CHRM3: variants seen among roughly 807,000 people sequenced by gnomAD.
CHRM3 encodes cholinergic receptor muscarinic 3.
CHRM3 carries 11 observed loss-of-function variants against 41.8 expected under a neutral mutation model. The observed-to-expected ratio is 0.26, with a 90% CI of 0.17 to 0.44. The LOEUF (loss-of-function observed/expected upper bound fraction) is 0.44, where lower values mean the gene tolerates loss of function less well. Among genes scored for constraint, CHRM3 ranks in the 20% least tolerant of loss-of-function variants. The pLI is 1.00. For missense variants in CHRM3, 571 were observed against 745.4 expected, an observed-to-expected ratio of 0.77 and a Z score of 2.72; for synonymous variants, 297 against 301.4, an observed-to-expected ratio of 0.99 and a Z score of 0.15.
intron 1 of CHRM3, among the ~76,000 whole-genome samples, chr1:239,476,509 T>C (rs1046267814): frequency 4.6e-5 from 7 of 152,072 alleles, no homozygotes; most frequent in Admixed American, 2.6e-4. Flanking sequence ...TGTAAAACCT[T>C]CTTAGTAACA....
At chr1:239,754,987 A>G (rs545480928) in intron 5 of CHRM3, among the ~76,000 whole-genome samples, 1 of 152,206 alleles carries the variant, frequency 6.6e-6, no homozygotes, top group Non-Finnish European at 1.5e-5. Flanking sequence ...TCTTGTCTTA[A>G]AAGAATTAGG....
intron 6 of CHRM3, among the ~76,000 whole-genome samples, chr1:239,857,795 T>C (rs1572505839): frequency 6.6e-6 from 1 of 152,220 alleles, no homozygotes; most frequent in East Asian, 1.9e-4. Flanking sequence ...TGCACAAAGG[T>C]TAAAATAATT....
intron 1 of CHRM3, among the ~76,000 whole-genome samples, chr1:239,404,729 T>TA (rs1163025027): frequency 1.4e-4 from 15 of 110,534 alleles, no homozygotes; most frequent in African/African-American, 7.4e-4. Context: ...AATATATATA[T>TA]ATATATATAT....
Position 239,607,738 on chromosome 1 carries a change from T to C in CHRM3, c.-312-24486T>C, listed in dbSNP as rs1057092358. On this transcript the variant is annotated intron_variant, in intron 3 of 6. Transcript: ENST00000676153. ...CACACATTAATTTTGGAATTTGTTATTTCACCTGAAAAATATCCCAAATCT... is the reference window on the plus strand; with the variant it reads ...CACACATTAATTTTGGAATTTGTTACTTCACCTGAAAAATATCCCAAATCT... 3.9e-5 allele frequency among the ~76,000 whole-genome samples: 6 copies of C among 152,206 alleles called. No individual in the cohort carries two copies. In the South Asian group the frequency reaches 8.3e-4, roughly 21 times the overall value.
intron 4 of CHRM3, among the ~76,000 whole-genome samples, chr1:239,640,540 A>C (rs1263613724): frequency 6.6e-6 from 1 of 152,054 alleles, no homozygotes; most frequent in East Asian, 1.9e-4. Context: ...TAGATTTTCT[A>C]GTTTATTTGT....
chr1:239,711,924 C>T (rs1211692217), intron 5 of CHRM3, among the ~76,000 whole-genome samples: 1 of 152,154 alleles, frequency 6.6e-6, no homozygotes, highest in Non-Finnish European at 1.5e-5. Flanking sequence ...TCAAACTCCA[C>T]ATCCAGCCCC....
intron 3 of CHRM3, among the ~76,000 whole-genome samples, chr1:239,622,119 G>T (rs1394219043): frequency 6.6e-6 from 1 of 152,058 alleles, no homozygotes; most frequent in Non-Finnish European, 1.5e-5. Flanking sequence ...TTTACAGCCT[G>T]ATATACTGAA....
intron 3 of CHRM3, among the ~76,000 whole-genome samples, chr1:239,551,250 C>T (rs1659795896): frequency 1.3e-5 from 2 of 149,594 alleles, no homozygotes; most frequent in Non-Finnish European, 3.0e-5. Flanking sequence ...GCAACCTCCA[C>T]CTCCCGGGTT....
At chr1:239,670,025 G>A (rs1018430405) in intron 4 of CHRM3, among the ~76,000 whole-genome samples, 9 of 152,102 alleles carry the variant, frequency 5.9e-5, no homozygotes, top group African/African-American at 2.2e-4. Flanking sequence ...GATTTTAAGA[G>A]ATCAGTCTGA....
chr1:239,879,157 G>A (rs934770620), intron 6 of CHRM3, among the ~76,000 whole-genome samples: 1 of 152,066 alleles, frequency 6.6e-6, no homozygotes, highest in African/African-American at 2.4e-5. Flanking sequence ...TTAAGACAGG[G>A]TCTCACTGTG....
intron 1 of CHRM3, among the ~76,000 whole-genome samples, chr1:239,436,512 A>G (rs1663282955): frequency 6.6e-6 from 1 of 151,972 alleles, no homozygotes; most frequent in Admixed American, 6.6e-5. Context: ...GTCTGGAGAT[A>G]ACATAGTTTT....
chr1:239,556,823 A>G (rs1428669165), intron 3 of CHRM3, among the ~76,000 whole-genome samples: 2 of 152,216 alleles, frequency 1.3e-5, no homozygotes, highest in African/African-American at 2.4e-5. Context: ...TTTCAGCTTT[A>G]TTATTAACTC....
At chr1:239,873,909 C>T (rs1240010114) in intron 6 of CHRM3, among the ~76,000 whole-genome samples, 1 of 152,162 alleles carries the variant, frequency 6.6e-6, no homozygotes. Context: ...CTGCTCCTCT[C>T]ATCGGAGTTT....
At chr1:239,430,380 A>C (rs959207178) in intron 1 of CHRM3, among the ~76,000 whole-genome samples, 3 of 152,174 alleles carry the variant, frequency 2.0e-5, no homozygotes, top group Admixed American at 6.5e-5. Context: ...ATAGATGCCC[A>C]AAACAGATAC....
At chr1:239,772,101 G>C (rs1572243064) in intron 5 of CHRM3, among the ~76,000 whole-genome samples, 1 of 152,296 alleles carries the variant, frequency 6.6e-6, no homozygotes, top group East Asian at 1.9e-4. Flanking sequence ...TCCCCTGAGA[G>C]GGGTGGGTAT....
chr1:239,857,695 C>A (rs1296008118), intron 6 of CHRM3, among the ~76,000 whole-genome samples: 1 of 152,090 alleles, frequency 6.6e-6, no homozygotes, highest in African/African-American at 2.4e-5. Context: ...CACTCGGTGT[C>A]TTTGTTTCAC....
chr1:239,426,372 A>T (rs1662383746), intron 1 of CHRM3, among the ~76,000 whole-genome samples: 1 of 151,222 alleles, frequency 6.6e-6, no homozygotes, highest in African/African-American at 2.4e-5. Flanking sequence ...TCACCATGGA[A>T]ATTGGCAAAT....
chr1:239,898,533 C>A (rs1383296584), intron 6 of CHRM3: 1 of 152,098 alleles, frequency 6.6e-6, no homozygotes, highest in East Asian at 1.9e-4. Context: ...AAAAAACGCA[C>A]GGCTGTATGT....
chr1:239,777,964 A>G (rs1668228288), intron 5 of CHRM3, among the ~76,000 whole-genome samples: 1 of 152,106 alleles, frequency 6.6e-6, no homozygotes, highest in African/African-American at 2.4e-5. Context: ...GGTCCGGGGA[A>G]AGGTTGGGAG....
Sources: gnomAD v4.1 joint callset for allele counts (sites outside exome capture counted in the v4.1 genomes callset) on GRCh38, gnomAD v4.1.1 for gene constraint, MANE v1.5 for transcripts, NCBI Gene and HGNC (gene_info 2026-07-23, HGNC 2026-07-21) for gene names.